The following ELF2 variants were observed in gnomAD, a reference collection of about 807,000 sequenced individuals.
ELF2 encodes E74 like ETS transcription factor 2.
ELF2 carries 11 observed loss-of-function variants against 54.8 expected under a neutral mutation model. That is an observed-to-expected ratio of 0.20 (90% CI 0.13 to 0.33). The LOEUF is 0.33. Among genes scored for constraint, ELF2 ranks in the 10% least tolerant of loss-of-function variants. ELF2 has a pLI of 1.00. For synonymous variants in ELF2, 203 were observed against 245.1 expected (o/e 0.83, Z 1.61); for missense variants, 513 against 703.0 (o/e 0.73, Z 3.06).
At chr4:139,147,947 C>T (rs1316609483) in intron 1 of ELF2, among the ~76,000 whole-genome samples, 1 of 151,688 alleles carries the variant, frequency 6.6e-6, no homozygotes, top group East Asian at 1.9e-4. Context: ...CCACCAGGCC[C>T]AGCTAATTTT....
intron 4 of ELF2, among the ~76,000 whole-genome samples, chr4:139,123,643 T>G (rs1307315914): frequency 6.6e-6 from 1 of 152,226 alleles, no homozygotes; most frequent in Non-Finnish European, 1.5e-5. Flanking sequence ...TTTGGTGCTA[T>G]AGTTTTTATC....
intron 3 of ELF2, chr4:139,136,646 T>C (rs1738184093): frequency 2.0e-5 from 3 of 149,870 alleles, no homozygotes; most frequent in South Asian, 2.1e-4. Context: ...TATAATTAGA[T>C]CCCTTCCAAT....
At chr4:139,159,585 C>T (rs1401506152) in intron 1 of ELF2, among the ~76,000 whole-genome samples, 1 of 152,042 alleles carries the variant, frequency 6.6e-6, no homozygotes, top group African/African-American at 2.4e-5. Context: ...TTGTCCTGAG[C>T]CATGGGATCT....
chr4:139,107,400 AAAC>A (rs1460862421), intron 4 of ELF2, among the ~76,000 whole-genome samples: 1 of 152,234 alleles, frequency 6.6e-6, no homozygotes, highest in African/African-American at 2.4e-5. Context: ...TGTTAAAACA[AAAC>A]AATAAATGTT....
At chr4:139,062,982 G>A (rs2148665963) in intron 7 of ELF2, among the ~76,000 whole-genome samples, 1 of 152,132 alleles carries the variant, frequency 6.6e-6, no homozygotes, top group Admixed American at 6.5e-5. Context: ...TTGGCGGGGT[G>A]TGGTGGCTCA....
At chr4:139,076,789 ATTG>A (rs1334304431) in intron 4 of ELF2, among the ~76,000 whole-genome samples, 2 of 152,154 alleles carry the variant, frequency 1.3e-5, no homozygotes, top group Admixed American at 6.5e-5. Flanking sequence ...TGTTATTAAA[ATTG>A]TTATGTCAAT....
At chr4:139,115,369 C>A in intron 4 of ELF2, 6 of 1,100,760 alleles carry the variant, frequency 5.5e-6, no homozygotes, top group Non-Finnish European at 6.7e-6. Context: ...TGCCGCTGTC[C>A]GCCATGGCGG....
In ELF2 at chr4:139,160,688, G is replaced by C. The variant is rs563934866; in HGVS notation, c.-252+16279C>G. 3.3e-5 allele frequency among the ~76,000 whole-genome samples: 5 copies of C among 152,192 alleles called. 1 individual carries two copies. In the East Asian group the frequency reaches 9.7e-4, roughly 29 times the overall value. ...AAAATATTTTATCATATTGGCCAGG[G>C]GTGGTGGCTCACACCTGTAATTCTA... On this transcript the variant is annotated intron_variant, in intron 1 of 9. Coordinates refer to ENST00000686138, the MANE Select transcript of ELF2 (RefSeq NM_001331036.3).
chr4:139,139,730 G>A (rs1214269016), intron 1 of ELF2, among the ~76,000 whole-genome samples: 1 of 151,852 alleles, frequency 6.6e-6, no homozygotes, highest in African/African-American at 2.4e-5. Flanking sequence ...TATTGAGTGA[G>A]GACAGAATCA....
chr4:139,069,584 A>G (rs1020355732), intron 6 of ELF2, among the ~76,000 whole-genome samples: 1 of 152,190 alleles, frequency 6.6e-6, no homozygotes, highest in South Asian at 2.1e-4. Flanking sequence ...TTCCTTGATA[A>G]ATTTCCTCCA....
chr4:139,082,828 A>G (rs189095813), intron 4 of ELF2, among the ~76,000 whole-genome samples: 23 of 152,374 alleles, frequency 1.5e-4, no homozygotes, highest in Non-Finnish European at 2.4e-4. Context: ...GTAAGTAAAC[A>G]GTATTCAAGC....
intron 4 of ELF2, among the ~76,000 whole-genome samples, chr4:139,108,148 T>G (rs1438292059): frequency 1.3e-5 from 2 of 152,170 alleles, no homozygotes; most frequent in African/African-American, 4.8e-5. Flanking sequence ...CAAAGTACAT[T>G]TTAGAAAACT....
chr4:139,109,648 A>G (rs1734760448), intron 4 of ELF2, among the ~76,000 whole-genome samples: 1 of 152,146 alleles, frequency 6.6e-6, no homozygotes, highest in Admixed American at 6.6e-5. Context: ...TGAAAAACCC[A>G]TTTTTCACAG....
chr4:139,072,120 C>T (rs912348372), intron 5 of ELF2, 81 bp from the exon 6 acceptor site: 35 of 1,377,718 alleles, frequency 2.5e-5, no homozygotes, highest in African/African-American at 1.0e-4. Context: ...TTAGAAGAGG[C>T]GAGGTGTGTT....
At chr4:139,088,717 C>T (rs142728093) in intron 4 of ELF2, among the ~76,000 whole-genome samples, 1 of 152,106 alleles carries the variant, frequency 6.6e-6, no homozygotes, top group African/African-American at 2.4e-5. Flanking sequence ...ATTATCCCCC[C>T]ACTAGGGGGA....
chr4:139,176,012 GAA>G (rs1425156185), intron 1 of ELF2, among the ~76,000 whole-genome samples: 1 of 152,212 alleles, frequency 6.6e-6, no homozygotes, highest in African/African-American at 2.4e-5. Flanking sequence ...AAATGGAGCA[GAA>G]GAGAGGGCTC....
chr4:139,095,016 TGTTA>T (rs1442916827), intron 4 of ELF2, among the ~76,000 whole-genome samples: 1 of 152,164 alleles, frequency 6.6e-6, no homozygotes, highest in Non-Finnish European at 1.5e-5. Context: ...AAATTTTATG[TGTTA>T]ATTAAGTCAT....
chr4:139,150,518 CAAAAA>C (rs34465260), intron 1 of ELF2, among the ~76,000 whole-genome samples: 1 of 76,912 alleles, frequency 1.3e-5, no homozygotes. Context: ...GACCCTGTCT[CAAAAA>C]AAAAAAAAAA....
At chr4:139,161,008 T>C (rs1199088337) in intron 1 of ELF2, among the ~76,000 whole-genome samples, 1 of 152,106 alleles carries the variant, frequency 6.6e-6, no homozygotes, top group East Asian at 1.9e-4. Context: ...ATGAATGCAG[T>C]AAGATCTCTC....
Sources: allele counts gnomAD v4.1 joint callset (sites outside exome capture counted in the v4.1 genomes callset), GRCh38; gene constraint gnomAD v4.1.1; transcripts MANE v1.5; gene names NCBI Gene and HGNC (gene_info 2026-07-23, HGNC 2026-07-21).